The following DLG4 variants were observed in gnomAD, a reference collection of about 807,000 sequenced individuals.
The protein encoded by DLG4 is discs large MAGUK scaffold protein 4.
In DLG4, 7 loss-of-function variants were observed where a neutral mutation model predicts 93.8. That is an observed-to-expected ratio of 0.07 (90% CI 0.04 to 0.14). The LOEUF is 0.14. Among genes scored for constraint, DLG4 ranks in the 10% least tolerant of loss-of-function variants. The pLI, the probability that DLG4 is intolerant of heterozygous loss-of-function variation, is 1.00. For synonymous variants in DLG4, 341 were observed against 387.6 expected, an observed-to-expected ratio of 0.88 and a Z score of 1.41; for missense variants, 545 against 992.9, an observed-to-expected ratio of 0.55 and a Z score of 6.06.
Position 7,208,119 on chromosome 17 carries a change from C to T in DLG4, c.96+55G>A. On this transcript the variant is annotated intron_variant, in intron 2 of 19. Transcript: ENST00000399506. The surrounding 1 kb of genome is among the most constrained non-coding windows in gnomAD (Gnocchi z 5.4). ...GCGTGGCCCACGACCCCGTGGCCAG[C>T]CTCGAGGTGGGACAAGTTCCTCTCC... 1 of 1,320,370 alleles carries T rather than the reference C, an allele frequency of 7.6e-7. No individual in the cohort carries two copies. Among genetic ancestry groups the T allele is most frequent in the Non-Finnish European group, 9.8e-7 (1 of 1,025,128 alleles). The allele number at this position is 1,320,370 out of a possible 1,614,324, so 81.8% of individuals were successfully genotyped here. A position where few individuals can be genotyped will look rare whatever the true frequency, so the allele number is the denominator to read the frequency against.
intron 8 of DLG4, among the ~76,000 whole-genome samples, chr17:7,200,865 T>TG (rs2070092175): frequency 7.0e-6 from 1 of 141,864 alleles, no homozygotes; most frequent in African/African-American, 2.6e-5. Flanking sequence ...GGTTTTTTTT[T>TG]TTTTTTTTTT....
At chr17:7,219,620 C>G (rs1033814639), upstream of DLG4, 3 of 1,213,078 alleles carry the variant, frequency 2.5e-6, no homozygotes, top group African/African-American at 4.7e-5. Flanking sequence ...CTTTTCCCTT[C>G]TAACCCCACC....
Position 7,188,270 on chromosome 17 carries a change from T to C in DLG4, c.*2438A>G, listed in dbSNP as rs2069348573. On this transcript the variant is annotated 3_prime_UTR_variant, in exon 20 of 20. Transcript: ENST00000399506. ...ACACCCCTTCAGCAATCTCTGCCTC[T>C]ATTCTTGGACTACTTTAGGCTTGGA... Among the ~76,000 whole-genome samples, 1 of 152,146 alleles carries C rather than the reference T, an allele frequency of 6.6e-6. No homozygotes were observed. Among genetic ancestry groups the C allele is most frequent in the African/African-American group, 2.4e-5 (1 of 41,438 alleles).
At chr17:7,216,105 T>C (rs1031646433) in intron 1 of DLG4, among the ~76,000 whole-genome samples, 9 of 151,030 alleles carry the variant, frequency 6.0e-5, no homozygotes, top group African/African-American at 9.8e-5. Flanking sequence ...CCTGCCCTCC[T>C]CCTACACCTT....
chr17:7,212,176 G>A (rs1470510518), intron 1 of DLG4, among the ~76,000 whole-genome samples: 1 of 151,944 alleles, frequency 6.6e-6, no homozygotes, highest in Admixed American at 6.6e-5. Context: ...ACCCCCAAGG[G>A]ATCTACACTG....
upstream of DLG4, chr17:7,219,131 C>T: frequency 1.3e-5 from 7 of 521,282 alleles, no homozygotes; most frequent in Non-Finnish European, 2.4e-5. Flanking sequence ...CTGAGCCCAG[C>T]TCTCTCTCCT....
In DLG4 at chr17:7,196,469, G is replaced by A; in HGVS notation, c.1186+4C>T. 1 of 1,613,908 alleles carries A rather than the reference G, an allele frequency of 6.2e-7. No homozygotes were observed. Among genetic ancestry groups the A allele is most frequent in the Non-Finnish European group, 8.5e-7 (1 of 1,179,806 alleles). On this transcript the variant is annotated splice_donor_region_variant and intron_variant, in intron 10 of 19. Transcript: ENST00000399506. This position sits in a 1 kb window ranked among gnomAD's most constrained non-coding sequence, Gnocchi z 8.3. Reference sequence around the variant, plus strand: ...CACAAGACAAGGAACTTCCGGCCTGGTACCTTCTGGTTTATACTGAGCGAT... The same window carrying A: ...CACAAGACAAGGAACTTCCGGCCTGATACCTTCTGGTTTATACTGAGCGAT...
Position 7,194,638 on chromosome 17 carries a change from G to A in DLG4, c.1302-143C>T, listed in dbSNP as rs750387425. The A allele has an allele frequency of 1.0e-5, 8 of 781,776 alleles. No individual in the cohort carries two copies. The highest frequency in any genetic ancestry group is 3.6e-5 in the South Asian group (2 of 54,880). 48.4% of individuals were successfully genotyped at this position (781,776 alleles called of 1,614,324 possible). On this transcript the variant is annotated intron_variant, in intron 11 of 19. Transcript: ENST00000399506. The surrounding 1 kb of genome is among the most constrained non-coding windows in gnomAD (Gnocchi z 4.4). The stretch of plus-strand genomic sequence containing the variant: ...GCCGAGGAACCCAAAACTGTGTGGG[G>A]ACCAAACGCTGACTATAACTCATAA...
In DLG4 at chr17:7,190,607, G is replaced by T; in HGVS notation, c.*101C>A. ...AGAAAGGAAATAAATAAGAAGGGGTGGGAGGGAGGCCGGGGGGAGCCAAGG... is the reference window on the plus strand; with the variant it reads ...AGAAAGGAAATAAATAAGAAGGGGTTGGAGGGAGGCCGGGGGGAGCCAAGG... On this transcript the variant is annotated 3_prime_UTR_variant, in exon 20 of 20. Transcript: ENST00000399506. 1.2e-6 allele frequency: 1 copy of T among 868,712 alleles called. No individual in the cohort carries two copies. The highest frequency in any genetic ancestry group is 2.5e-5 in the East Asian group (1 of 40,472). 53.8% of individuals were successfully genotyped at this position (868,712 alleles called of 1,614,324 possible). A position where few individuals can be genotyped will look rare whatever the true frequency, so the allele number is the denominator to read the frequency against.
chr17:7,204,466 C>G, intron 2 of DLG4: 3 of 530,784 alleles, frequency 5.7e-6, no homozygotes, highest in Non-Finnish European at 9.9e-6. Flanking sequence ...CAGATGCACA[C>G]GCGCAAGGAT....
chr17:7,193,911 C>G lies in DLG4; in HGVS notation c.1516-40G>C. ...CAGGCCACGGGGTTAGTTATGAGCTCAGCTCCATGAGCCCTCACACTTCCA... is the reference window on the plus strand; with the variant it reads ...CAGGCCACGGGGTTAGTTATGAGCTGAGCTCCATGAGCCCTCACACTTCCA... On this transcript the variant is annotated intron_variant, in intron 13 of 19. Coordinates refer to ENST00000399506, the MANE Select transcript of DLG4 (RefSeq NM_001321075.3). This position sits in a 1 kb window ranked among gnomAD's most constrained non-coding sequence, Gnocchi z 6.7. 6.2e-7 allele frequency: 1 copy of G among 1,613,130 alleles called. No individual in the cohort carries two copies. The highest frequency in any genetic ancestry group is 8.5e-7 in the Non-Finnish European group (1 of 1,179,550).
intron 2 of DLG4, among the ~76,000 whole-genome samples, chr17:7,207,804 G>T (rs1434574227): frequency 6.6e-6 from 1 of 150,942 alleles, no homozygotes; most frequent in Admixed American, 6.6e-5. Context: ...CAGCACACGC[G>T]CACAGGCACG....
Position 7,191,827 on chromosome 17 carries a change from G to C in DLG4, c.1976+66C>G. On this transcript the variant is annotated intron_variant, in intron 18 of 19. Coordinates refer to ENST00000399506, the MANE Select transcript of DLG4 (RefSeq NM_001321075.3). The surrounding 1 kb of genome is among the most constrained non-coding windows in gnomAD (Gnocchi z 6.6). ...TCTGAAGGGAGAGTTGAACGCAGACGCCTTGTGAGGCCCAGGGCCACAGGT... is the reference window on the plus strand; with the variant it reads ...TCTGAAGGGAGAGTTGAACGCAGACCCCTTGTGAGGCCCAGGGCCACAGGT... 1 of 1,138,144 alleles carries C rather than the reference G, an allele frequency of 8.8e-7. No homozygotes were observed. The highest frequency in any genetic ancestry group is 1.2e-6 in the Non-Finnish European group (1 of 823,204). 70.5% of individuals were successfully genotyped at this position (1,138,144 alleles called of 1,614,324 possible).
chr17:7,191,951 C>T lies in DLG4; in HGVS notation c.1918G>A (p.Ala640Thr), dbSNP rs2069521843. Residue 640 changes from alanine to threonine, a missense_variant, in exon 18 of 20, where the codon GCG becomes ACG. Around this residue, in one of 5 missense-constraint regions of DLG4, gnomAD observed 428 missense variants for 741.4 expected, o/e 0.58. Coordinates refer to ENST00000399506, the MANE Select transcript of DLG4 (RefSeq NM_001321075.3). The surrounding 1 kb of genome is among the most constrained non-coding windows in gnomAD (Gnocchi z 6.6). ...VSANAVRRLQ[A>T]AHLHPIAIFI... is the part of the protein sequence containing the mutation. ...ATGGCGATGGGGTGCAGGTGGGCCG[C>T]CTGCAGCCGCCGCACGGCATTGGCC... The T allele has an allele frequency of 1.3e-6, 2 of 1,485,780 alleles. No individual in the cohort carries two copies. Among genetic ancestry groups the T allele is most frequent in the African/African-American group, 1.4e-5 (1 of 69,868 alleles). 92.0% of individuals were successfully genotyped at this position (1,485,780 alleles called of 1,614,324 possible).
chr17:7,196,558 G>A lies in DLG4; in HGVS notation c.1101C>T (p.Leu367=). The stretch of plus-strand genomic sequence containing the variant: ...CAGCCTGCTCATGGCTGGCATTTCG[G>A]AGGTCCACACCGTTGACCTAGAGAG... ...DQILSVNGVD[L]RNASHEQAAI... Residue 367 remains leucine, a synonymous_variant, in exon 10 of 20, where the codon CTC becomes CTT. Coordinates refer to ENST00000399506, the MANE Select transcript of DLG4 (RefSeq NM_001321075.3). This position sits in a 1 kb window ranked among gnomAD's most constrained non-coding sequence, Gnocchi z 8.3. 6.2e-7 allele frequency: 1 copy of A among 1,614,014 alleles called. No individual in the cohort carries two copies. Among genetic ancestry groups the A allele is most frequent in the Non-Finnish European group, 8.5e-7 (1 of 1,179,886 alleles).
intron 8 of DLG4, 140 bp from the exon 9 acceptor site, chr17:7,197,192 G>C (rs544910278): frequency 2.6e-4 from 211 of 799,840 alleles, no homozygotes; most frequent in Non-Finnish European, 2.3e-5. Context: ...GGGGTGGTAA[G>C]GGGATATCAG....
Position 7,193,395 on chromosome 17 carries a change from G to A in DLG4, c.1693+88C>T. 3 of 1,316,238 alleles carry A rather than the reference G, an allele frequency of 2.3e-6. No homozygotes were observed. The highest frequency in any genetic ancestry group is 3.1e-6 in the Non-Finnish European group (3 of 972,526). 81.5% of individuals were successfully genotyped at this position (1,316,238 alleles called of 1,614,324 possible). On this transcript the variant is annotated intron_variant, in intron 16 of 19. Transcript: ENST00000399506. The surrounding 1 kb of genome is among the most constrained non-coding windows in gnomAD (Gnocchi z 6.7). ...TATCTCCCTACACACCGATCCCCCA[G>A]GAGGCTCTGCCTATGGCCCCAGGGA... is the stretch of plus-strand genomic sequence containing the variant.
chr17:7,219,890 A>C (rs1056775771), upstream of DLG4: 19 of 1,523,066 alleles, frequency 1.2e-5, no homozygotes, highest in Admixed American at 2.0e-5. Context: ...TGCACTGTGG[A>C]CGATGAGTCA....
intron 1 of DLG4, chr17:7,211,698 A>T: frequency 1.1e-6 from 1 of 934,082 alleles, no homozygotes; most frequent in Non-Finnish European, 1.3e-6. Context: ...CCGAGCCGAC[A>T]TGGAGAAGGG....
Sources: allele counts gnomAD v4.1 joint callset (sites outside exome capture counted in the v4.1 genomes callset), GRCh38; gene constraint gnomAD v4.1.1; regional missense constraint gnomAD v4.1.1; non-coding constraint Gnocchi (gnomAD v3.1); transcripts MANE v1.5; gene names NCBI Gene and HGNC (gene_info 2026-07-23, HGNC 2026-07-21).